ADAMTSL1: variants seen among roughly 807,000 people sequenced by gnomAD.
The protein encoded by ADAMTSL1 is ADAMTS like 1, also known as ADAMTS-like protein 1.
ADAMTSL1 carries 126 observed loss-of-function variants against 201.8 expected under a neutral mutation model. The observed-to-expected ratio is 0.62, with a 90% CI of 0.54 to 0.72. ADAMTSL1 has a LOEUF of 0.72. Among genes scored for constraint, ADAMTSL1 ranks in the 30% least tolerant of loss-of-function variants. The probability of loss-of-function intolerance (pLI) is 0.00; values close to 1 mark genes in which losing one functional copy is unlikely to be tolerated. For missense variants in ADAMTSL1, 2,679 were observed against 2,277.8 expected, an observed-to-expected ratio of 1.18 and a Z score of -3.59; for synonymous variants, 1,121 against 903.4, an observed-to-expected ratio of 1.24 and a Z score of -4.32.
At chr9:18,053,207 G>A (rs1230287691) in intron 1 of ADAMTSL1, among the ~76,000 whole-genome samples, 1 of 152,166 alleles carries the variant, frequency 6.6e-6, no homozygotes, top group East Asian at 1.9e-4. Flanking sequence ...CAGGTGGGCA[G>A]TGACACTTGG....
chr9:18,275,154 A>G (rs1832537236), intron 2 of ADAMTSL1, among the ~76,000 whole-genome samples: 1 of 152,192 alleles, frequency 6.6e-6, no homozygotes, highest in South Asian at 2.1e-4. Context: ...GTATTTAAAG[A>G]AAGAGTAAAA....
chr9:18,167,599 C>A (rs1827691015), intron 2 of ADAMTSL1, among the ~76,000 whole-genome samples: 1 of 151,946 alleles, frequency 6.6e-6, no homozygotes, highest in Non-Finnish European at 1.5e-5. Flanking sequence ...TAGTTGGCTG[C>A]AAGGCAGGTA....
At chr9:18,311,427 A>T (rs1383621006) in intron 2 of ADAMTSL1, among the ~76,000 whole-genome samples, 3 of 152,180 alleles carry the variant, frequency 2.0e-5, no homozygotes, top group African/African-American at 7.2e-5. Context: ...AGAATCAAAT[A>T]GCACGTCAAT....
intron 3 of ADAMTSL1, among the ~76,000 whole-genome samples, chr9:18,558,042 G>A (rs1184634890): frequency 2.0e-5 from 3 of 152,022 alleles, no homozygotes; most frequent in African/African-American, 7.2e-5. Context: ...TAAATACTGG[G>A]ATACACGTGC....
chr9:18,500,010 G>A (rs1397634978), intron 1 of ADAMTSL1, among the ~76,000 whole-genome samples: 1 of 152,036 alleles, frequency 6.6e-6, no homozygotes, highest in Non-Finnish European at 1.5e-5. Flanking sequence ...GCTAATTTCT[G>A]CTTCATCTTA....
chr9:18,295,913 G>T (rs186002635), intron 2 of ADAMTSL1, among the ~76,000 whole-genome samples: 1 of 152,234 alleles, frequency 6.6e-6, no homozygotes, highest in Admixed American at 6.5e-5. Flanking sequence ...GGAGAGATCT[G>T]TCACGACCTT....
rs115575028 is a variant in ADAMTSL1 at position 18,445,009 on chromosome 9, A to G, written c.208-59820A>G. On this transcript the variant is annotated intron_variant, in intron 2 of 29. Coordinates refer to the ADAMTSL1 transcript ENST00000680146. ...AGAGTTTAGGTAACTTATTTGCCTA[A>G]GGTCAAATAGAATGTTATAGATTCA... Among the ~76,000 whole-genome samples the G allele has an allele frequency of 6.4e-3, 971 of 152,238 alleles. 13 individuals carry two copies. The highest frequency in any genetic ancestry group is 0.022 in the African/African-American group (928 of 41,570).
At chr9:18,530,064 C>T (rs1819345467) in intron 2 of ADAMTSL1, among the ~76,000 whole-genome samples, 1 of 152,142 alleles carries the variant, frequency 6.6e-6, no homozygotes, top group African/African-American at 2.4e-5. Context: ...CTCATTTAAA[C>T]TATTGAAACA....
intron 13 of ADAMTSL1, among the ~76,000 whole-genome samples, chr9:18,698,946 T>C (rs1831749333): frequency 6.6e-6 from 1 of 152,088 alleles, no homozygotes; most frequent in Non-Finnish European, 1.5e-5. Flanking sequence ...TCTAGAACCA[T>C]ATCAGAGAAA....
chr9:18,819,405 G>A (rs546685741), intron 21 of ADAMTSL1, among the ~76,000 whole-genome samples: 58 of 150,306 alleles, frequency 3.9e-4, no homozygotes, highest in Non-Finnish European at 6.5e-4. Flanking sequence ...GCAGTGAGCC[G>A]AGATCGAACC....
intron 1 of ADAMTSL1, among the ~76,000 whole-genome samples, chr9:17,923,210 G>C (rs1449289239): frequency 6.6e-6 from 1 of 150,918 alleles, no homozygotes; most frequent in African/African-American, 2.4e-5. Context: ...GGATGGCATT[G>C]AATCTGTAAA....
intron 1 of ADAMTSL1, among the ~76,000 whole-genome samples, chr9:18,111,554 T>C (rs1197170318): frequency 6.6e-6 from 1 of 152,194 alleles, no homozygotes; most frequent in Non-Finnish European, 1.5e-5. Context: ...GCAAAACCTA[T>C]CATCATCATT....
intron 1 of ADAMTSL1, among the ~76,000 whole-genome samples, chr9:18,000,167 G>A (rs1423231294): frequency 6.6e-6 from 1 of 150,688 alleles, no homozygotes; most frequent in East Asian, 2.0e-4. Flanking sequence ...CTAGATCCCT[G>A]AGGAATCGCC....
Position 18,707,011 on chromosome 9 carries a change from T to C in ADAMTSL1, c.1839T>C (p.Tyr613=). 1 of 1,613,834 alleles carries C rather than the reference T, an allele frequency of 6.2e-7. No individual in the cohort carries two copies. The highest frequency in any genetic ancestry group is 8.5e-7 in the Non-Finnish European group (1 of 1,179,856). Residue 613 remains tyrosine, a synonymous_variant, in exon 14 of 29, where the codon TAT becomes TAC. Coordinates refer to ENST00000380548, the MANE Select transcript of ADAMTSL1 (RefSeq NM_001040272.6). Reference sequence around the variant, plus strand: ...TCGACGAGCTGTATGACTGGGAGTATGAGGGGTTCACCAAGTGCTCCGAGT... The same window carrying C: ...TCGACGAGCTGTATGACTGGGAGTACGAGGGGTTCACCAAGTGCTCCGAGT... The part of the protein sequence containing the change: ...QDFDELYDWE[Y]EGFTKCSESC...
chr9:18,886,784 G>C (rs957549024), intron 23 of ADAMTSL1, among the ~76,000 whole-genome samples: 5 of 152,212 alleles, frequency 3.3e-5, no homozygotes, highest in Non-Finnish European at 7.3e-5. Flanking sequence ...TTGGTGATTA[G>C]AATTCAATAT....
intron 2 of ADAMTSL1, among the ~76,000 whole-genome samples, chr9:18,164,321 A>T (rs1827539206): frequency 6.6e-6 from 1 of 151,964 alleles, no homozygotes; most frequent in Non-Finnish European, 1.5e-5. Flanking sequence ...GGAGATTTAT[A>T]TGTAAAGCCC....
chr9:18,124,923 G>T (rs1825669213), intron 1 of ADAMTSL1, among the ~76,000 whole-genome samples: 1 of 152,158 alleles, frequency 6.6e-6, no homozygotes, highest in Non-Finnish European at 1.5e-5. Flanking sequence ...ATAGGAAATA[G>T]AATTTTCTGT....
At chr9:18,313,145 T>A (rs1423929919) in intron 2 of ADAMTSL1, among the ~76,000 whole-genome samples, 2 of 152,228 alleles carry the variant, frequency 1.3e-5, no homozygotes, top group African/African-American at 4.8e-5. Context: ...AACTCCTGAT[T>A]CAGTAGGTAT....
At chr9:18,486,827 G>T (rs2131835533) in intron 1 of ADAMTSL1, among the ~76,000 whole-genome samples, 1 of 152,290 alleles carries the variant, frequency 6.6e-6, no homozygotes, top group Non-Finnish European at 1.5e-5. Context: ...GTTGTCTGAG[G>T]CTGTAGTAGT....
Sources: gnomAD v4.1 joint callset for allele counts (sites outside exome capture counted in the v4.1 genomes callset) on GRCh38, gnomAD v4.1.1 for gene constraint, MANE v1.5 for transcripts, NCBI Gene and HGNC (gene_info 2026-07-23, HGNC 2026-07-21) for gene names.